Variants in TTF2 observed in about 807,000 individuals in gnomAD.
TTF2 encodes transcription termination factor 2.
A neutral mutation model predicts 142.4 loss-of-function variants in TTF2; 108 were observed. The ratio of observed to expected loss-of-function variants is 0.76; its 90% CI spans 0.65 to 0.89. The LOEUF (loss-of-function observed/expected upper bound fraction) is 0.89. Ranked by LOEUF, TTF2 falls within the 40% of genes least tolerant of loss-of-function variation. The pLI, the probability that TTF2 is intolerant of heterozygous loss-of-function variation, is 0.00. For synonymous variants in TTF2, 483 were observed against 506.2 expected, an observed-to-expected ratio of 0.95 and a Z score of 0.61; for missense variants, 1,327 against 1,379.8, an observed-to-expected ratio of 0.96 and a Z score of 0.61.
chr1:117,079,375 A>T lies in TTF2; in HGVS notation c.1702-193A>T, dbSNP rs1232294477. Among the ~76,000 whole-genome samples, 1 of 150,268 alleles carries T rather than the reference A, an allele frequency of 6.7e-6. No individual in the cohort carries two copies. Among genetic ancestry groups the T allele is most frequent in the Non-Finnish European group, 1.5e-5 (1 of 66,596 alleles). ...ACATTAGATGCAACCCAAAACAAAC[A>T]GGGGCAGACCAGGACAGTATGGTTA... On this transcript the variant is annotated intron_variant, in intron 8 of 22. Coordinates refer to ENST00000369466, the MANE Select transcript of TTF2 (RefSeq NM_003594.4). This position sits in a 1 kb window ranked among gnomAD's most constrained non-coding sequence, Gnocchi z 4.2.
chr1:117,061,427 T>G (rs987442878), intron 2 of TTF2, among the ~76,000 whole-genome samples: 5 of 152,230 alleles, frequency 3.3e-5, no homozygotes, highest in African/African-American at 9.6e-5. Flanking sequence ...TATCATCACA[T>G]CATTAAACAT....
intron 13 of TTF2, 43 bp downstream of exon 13, chr1:117,089,025 TATCCCTTCA>T: frequency 6.5e-7 from 1 of 1,539,076 alleles, no homozygotes; most frequent in South Asian, 1.3e-5. Context: ...ACCCTGTCTG[TATCCCTTCA>T]TCATTATTTC....
rs773494941 is a variant in TTF2 at position 117,075,623 on chromosome 1, G to A, written c.1039G>A (p.Ala347Thr). Residue 347 changes from alanine (A) to threonine (T), a missense_variant, in exon 5 of 23, where the codon GCT (alanine) becomes ACT (threonine). By Grantham distance (58) the Ala-to-Thr change is moderately conservative (BLOSUM62 0). Coordinates refer to ENST00000369466, the MANE Select transcript of TTF2 (RefSeq NM_003594.4). The surrounding 1 kb of genome is among the most constrained non-coding windows in gnomAD (Gnocchi z 4.5). ...GCTTTCCCTGGGTGAGGGCCGTGAA[G>A]CTGCCACAAGCAGTGACGACGAGGA... ...PGLSLGEGRE[A>T]ATSSDDEEED... The A allele has an allele frequency of 1.2e-6, 2 of 1,613,794 alleles. No individual in the cohort carries two copies. The highest frequency in any genetic ancestry group is 2.2e-5 in the East Asian group (1 of 44,874).
intron 3 of TTF2, among the ~76,000 whole-genome samples, chr1:117,065,596 CA>C (rs567127655): frequency 4.1e-5 from 6 of 146,778 alleles, no homozygotes; most frequent in Non-Finnish European, 3.0e-5. Context: ...GACTCTGTCT[CA>C]AAAAAAAAAT....
rs1391055269 is a variant in TTF2, at chr1:117,076,433, C to T, written c.1390+139C>T. 1 of 896,340 alleles carries T rather than the reference C, an allele frequency of 1.1e-6. No homozygotes were observed. Among genetic ancestry groups the T allele is most frequent in the South Asian group, 1.8e-5 (1 of 54,736 alleles). 55.5% of individuals were successfully genotyped at this position (896,340 alleles called of 1,614,324 possible). ...TGCTTCTGAGACTTCTTTCACATTA[C>T]ACCTATGGTTCATAAAAAACTTTCT... is the stretch of plus-strand genomic sequence containing the variant. On this transcript the variant is annotated intron_variant, in intron 6 of 22. Coordinates refer to ENST00000369466, the MANE Select transcript of TTF2 (RefSeq NM_003594.4). This position sits in a 1 kb window ranked among gnomAD's most constrained non-coding sequence, Gnocchi z 4.6.
chr1:117,073,629 G>A lies in TTF2; in HGVS notation c.219-32G>A. 2 of 1,574,876 alleles carry A rather than the reference G, an allele frequency of 1.3e-6. No homozygotes were observed. The highest frequency in any genetic ancestry group is 2.3e-5 in the South Asian group (2 of 87,184). ...TCTCTTGTTCTAATGGATTTTCATA[G>A]CCTTGATTATTTGTGTTTTATACTT... On this transcript the variant is annotated intron_variant, in intron 3 of 22. Coordinates refer to ENST00000369466, the MANE Select transcript of TTF2 (RefSeq NM_003594.4). This position sits in a 1 kb window ranked among gnomAD's most constrained non-coding sequence, Gnocchi z 4.4.
chr1:117,096,096 T>G, intron 19 of TTF2, 53 bp from the exon 20 acceptor site: 1 of 1,596,790 alleles, frequency 6.3e-7, no homozygotes, highest in Non-Finnish European at 8.6e-7. Context: ...GCCCTGCAGA[T>G]GAGTCTGTTT....
At chr1:117,072,112 G>A (rs766224863) in intron 3 of TTF2, among the ~76,000 whole-genome samples, 5 of 152,124 alleles carry the variant, frequency 3.3e-5, no homozygotes, top group African/African-American at 1.2e-4. Flanking sequence ...GGCTTAGTTC[G>A]GCAGTGGAAC....
At position 117,088,826 on chromosome 1, in the gene TTF2, TA is replaced by T; in HGVS notation, c.2187del (p.Ile729MetfsTer23). 1 of 1,613,742 alleles carries T rather than the reference TA, an allele frequency of 6.2e-7. No homozygotes were observed. On this transcript the variant is annotated frameshift_variant, in exon 13 of 23. Coordinates refer to ENST00000369466, the MANE Select transcript of TTF2 (RefSeq NM_003594.4). LOFTEE classifies it high-confidence loss of function. ...GGCACCTCAACACCTTTGCTTCGAATAGCCTGGGCTCGAATCATATTGGATG... is the reference window on the plus strand; with the variant it reads ...GGCACCTCAACACCTTTGCTTCGAATGCCTGGGCTCGAATCATATTGGATG... ...VEGTSTPLLR[I>X]AWARIILDEA...
intron 7 of TTF2, among the ~76,000 whole-genome samples, 188 bp downstream of exon 7, chr1:117,077,011 T>A (rs1277100600): frequency 1.3e-5 from 2 of 152,214 alleles, no homozygotes; most frequent in African/African-American, 2.4e-5. Flanking sequence ...CACATAACTT[T>A]TATTACAGTA....
In TTF2 at chr1:117,091,374, CAATCTGGAAGAAGCCCTAAT is replaced by C; in HGVS notation, c.2640_2659del (p.Gly881IlefsTer3). 6.2e-7 allele frequency: 1 copy of C among 1,613,422 alleles called. No homozygotes were observed. The highest frequency in any genetic ancestry group is 8.5e-7 in the Non-Finnish European group (1 of 1,179,880). ...AAAAAGACATGAAAGTAGAGGCAAC[CAATCTGGAAGAAGCCCTAAT>C]AATCCATTCAGTAGAGGTAAGCTGT... On this transcript the variant is annotated frameshift_variant, in exon 16 of 23. Transcript: ENST00000369466. LOFTEE classifies it high-confidence loss of function.
chr1:117,079,471 T>C lies in TTF2; in HGVS notation c.1702-97T>C, dbSNP rs550325859. ...GTCTACAGAATACTGAGGGAATCAT[T>C]TGTAGAAAATAGGAGAGTGTAGAGT... On this transcript the variant is annotated intron_variant, in intron 8 of 22. Coordinates refer to ENST00000369466, the MANE Select transcript of TTF2 (RefSeq NM_003594.4). The surrounding 1 kb of genome is among the most constrained non-coding windows in gnomAD (Gnocchi z 4.2). 6.3e-6 allele frequency: 7 copies of C among 1,119,136 alleles called. No homozygotes were observed. The South Asian group carries it at 6.5e-5, about 10-fold the overall frequency. 69.3% of individuals were successfully genotyped at this position (1,119,136 alleles called of 1,614,324 possible).
intron 20 of TTF2, among the ~76,000 whole-genome samples, chr1:117,096,564 G>C (rs1421909124): frequency 6.6e-6 from 1 of 152,184 alleles, no homozygotes; most frequent in African/African-American, 2.4e-5. Flanking sequence ...TTTCAGTAGA[G>C]ATGAGGTTTC....
At chr1:117,089,120 A>C (rs1648310113) in intron 13 of TTF2, 138 bp downstream of exon 13, 1 of 847,934 alleles carries the variant, frequency 1.2e-6, no homozygotes, top group Non-Finnish European at 1.7e-6. Context: ...CCTTTAAAGG[A>C]CAAAAGAATA....
At chr1:117,095,592 T>A (rs930538109) in intron 19 of TTF2, among the ~76,000 whole-genome samples, 1 of 152,054 alleles carries the variant, frequency 6.6e-6, no homozygotes, top group Non-Finnish European at 1.5e-5. Context: ...TGTTTAAAAG[T>A]AGAGAAGCAT....
At position 117,060,522 on chromosome 1, in the gene TTF2, C is replaced by T. The variant is rs1655576378; in HGVS notation, c.96C>T (p.Cys32=). The T allele has an allele frequency of 1.2e-6, 2 of 1,613,892 alleles. No individual in the cohort carries two copies. The highest frequency in any genetic ancestry group is 1.7e-4 in the Middle Eastern group (1 of 6,038). Residue 32 remains cysteine, a synonymous_variant, in exon 2 of 23, where the codon TGC becomes TGT. Transcript: ENST00000369466. ...ATAAAGGAAAGAGCTTCTACGTGTG[C>T]CGGGCAGACACGTGCAGCTTCGTGC... ...GPNKGKSFYV[C]RADTCSFVRA... is the part of the protein sequence containing the mutation.
intron 18 of TTF2, chr1:117,094,863 C>T (rs942176226): frequency 1.8e-5 from 6 of 340,220 alleles, no homozygotes; most frequent in Non-Finnish European, 3.4e-5. Context: ...CTAACCTGTA[C>T]TTTGGGGGTT....
rs1306448359 is a variant in TTF2 at position 117,099,048 on chromosome 1, CA to C, written c.3344+144del. On this transcript the variant is annotated intron_variant, in intron 22 of 22. Coordinates refer to ENST00000369466, the MANE Select transcript of TTF2 (RefSeq NM_003594.4). This position sits in a 1 kb window ranked among gnomAD's most constrained non-coding sequence, Gnocchi z 4.3. ...GATGCCCCTGAGGCATACCTTCAGG[CA>C]AACCACAGTCAGGAGAAAAACGAGC... 7.2e-6 allele frequency: 5 copies of C among 694,186 alleles called. No individual in the cohort carries two copies. The highest frequency in any genetic ancestry group is 3.9e-4 in the Middle Eastern group (1 of 2,574). The allele number at this position is 694,186 out of a possible 1,614,324, so 43.0% of individuals were successfully genotyped here. A position where few individuals can be genotyped will look rare whatever the true frequency, so the allele number is the denominator to read the frequency against.
intron 3 of TTF2, among the ~76,000 whole-genome samples, chr1:117,067,867 A>G (rs1465507292): frequency 1.3e-5 from 2 of 152,220 alleles, no homozygotes; most frequent in African/African-American, 4.8e-5. Context: ...GGTGCAACAG[A>G]GTAATAGAAG....
Sources: gnomAD v4.1 joint callset for allele counts (sites outside exome capture counted in the v4.1 genomes callset) on GRCh38, gnomAD v4.1.1 for gene constraint, Gnocchi (gnomAD v3.1) non-coding constraint, MANE v1.5 for transcripts, NCBI Gene and HGNC (gene_info 2026-07-23, HGNC 2026-07-21) for gene names.